Variants in INPP5A observed in about 807,000 individuals in gnomAD.
INPP5A encodes the protein inositol polyphosphate-5-phosphatase A.
Under a neutral mutation model 65.2 loss-of-function variants are expected in INPP5A, and 14 were observed. The ratio of observed to expected loss-of-function variants is 0.21; its 90% confidence interval spans 0.14 to 0.34. INPP5A has a LOEUF of 0.34. Among genes scored for constraint, INPP5A ranks in the 10% least tolerant of loss-of-function variants. The probability of loss-of-function intolerance (pLI) is 1.00; values close to 1 mark genes in which losing one functional copy is unlikely to be tolerated. For synonymous variants in INPP5A, 207 were observed against 208.3 expected, an observed-to-expected ratio of 0.99 and a Z score of 0.05; for missense variants, 431 against 545.6, an observed-to-expected ratio of 0.79 and a Z score of 2.09.
At position 132,741,920 on chromosome 10, in the gene INPP5A, C is replaced by G. The variant is rs533266500; in HGVS notation, c.733-7597C>G. Among the ~76,000 whole-genome samples, 3 of 152,306 alleles carry G rather than the reference C, an allele frequency of 2.0e-5. No individual in the cohort carries two copies. The East Asian group carries it at 5.8e-4, about 29-fold the overall frequency. ...CTTCTTTCCGAGATGTGGCCGTCCT[C>G]TGCAGAAAGGATGCATACTTACAGA... is the stretch of plus-strand genomic sequence containing the variant. On this transcript the variant is annotated intron_variant, in intron 9 of 15. Transcript: ENST00000368594. The surrounding 1 kb of genome is among the most constrained non-coding windows in gnomAD (Gnocchi z 4.4).
rs950977753 is a variant in INPP5A, at chr10:132,628,468, G to A, written c.118-17400G>A. Among the ~76,000 whole-genome samples the A allele has an allele frequency of 2.7e-5, 4 of 149,064 alleles. 1 individual carries two copies. Among genetic ancestry groups the A allele is most frequent in the South Asian group, 4.3e-4 (2 of 4,680 alleles). ...CTCCAGATGTGCTCTGGTGGCGGGGGGGGGGGGGGGCGTGGCGTGGGGGAC... is the reference window on the plus strand; with the variant it reads ...CTCCAGATGTGCTCTGGTGGCGGGGAGGGGGGGGGGCGTGGCGTGGGGGAC... On this transcript the variant is annotated intron_variant, in intron 2 of 15. Coordinates refer to ENST00000368594, the MANE Select transcript of INPP5A (RefSeq NM_005539.5).
rs1001643877 is a variant in INPP5A at position 132,782,656 on chromosome 10, C to G, written c.*627C>G. On this transcript the variant is annotated 3_prime_UTR_variant, in exon 16 of 16. Coordinates refer to ENST00000368594, the MANE Select transcript of INPP5A (RefSeq NM_005539.5). This position sits in a 1 kb window ranked among gnomAD's most constrained non-coding sequence, Gnocchi z 4.4. ...AAATAATTTATAAATCTTACCAAAA[C>G]TTATGCTAAATATACTTTCCAGTAT... 2.0e-5 allele frequency: 3 copies of G among 151,864 alleles called. No homozygotes were observed. Among genetic ancestry groups the G allele is most frequent in the Non-Finnish European group, 4.4e-5 (3 of 67,944 alleles). 9.4% of individuals were successfully genotyped at this position (151,864 alleles called of 1,614,324 possible). A position where few individuals can be genotyped will look rare whatever the true frequency, so the allele number is the denominator to read the frequency against.
chr10:132,725,386 G>T (rs1218894750), intron 8 of INPP5A, among the ~76,000 whole-genome samples: 1 of 152,336 alleles, frequency 6.6e-6, no homozygotes, highest in South Asian at 2.1e-4. Context: ...GCCCCGGCTG[G>T]TGCCTCACGG....
chr10:132,570,858 G>T (rs1289327693), intron 1 of INPP5A, among the ~76,000 whole-genome samples: 3 of 152,192 alleles, frequency 2.0e-5, no homozygotes, highest in African/African-American at 4.8e-5. Context: ...TTCGTGCTGC[G>T]ATGTGGATAG....
At chr10:132,626,171 T>C (rs1020862681) in intron 2 of INPP5A, among the ~76,000 whole-genome samples, 2 of 152,116 alleles carry the variant, frequency 1.3e-5, no homozygotes, top group Non-Finnish European at 2.9e-5. Context: ...TGTCACACAC[T>C]GTGGCTCAGT....
chr10:132,720,411 C>T (rs2134562448), intron 8 of INPP5A, among the ~76,000 whole-genome samples: 1 of 142,900 alleles, frequency 7.0e-6, no homozygotes, highest in African/African-American at 3.0e-5. Flanking sequence ...CTTGCGGGTT[C>T]TGTGGTACCT....
intron 8 of INPP5A, among the ~76,000 whole-genome samples, chr10:132,720,264 C>A (rs1845842225): frequency 6.7e-6 from 1 of 148,396 alleles, no homozygotes; most frequent in South Asian, 2.1e-4. Flanking sequence ...TTCTGTGGTG[C>A]CTGGGTTCTG....
Position 132,707,954 on chromosome 10 carries a change from G to A in INPP5A, c.475-359G>A, listed in dbSNP as rs139150094. The stretch of plus-strand genomic sequence containing the variant: ...CTCAAGTCTTCCCTGTGGTCCAGCC[G>A]AGGGCGGCCGTGTGTCTCGAGCTCC... On this transcript the variant is annotated intron_variant, in intron 6 of 15. Coordinates refer to ENST00000368594, the MANE Select transcript of INPP5A (RefSeq NM_005539.5). The surrounding 1 kb of genome is among the most constrained non-coding windows in gnomAD (Gnocchi z 5.5). Among the ~76,000 whole-genome samples, 133 of 152,324 alleles carry A rather than the reference G, an allele frequency of 8.7e-4. No individual in the cohort carries two copies. Among genetic ancestry groups the A allele is most frequent in the African/African-American group, 2.9e-3 (121 of 41,572 alleles).
Position 132,705,911 on chromosome 10 carries a change from A to G in INPP5A, c.475-2402A>G, listed in dbSNP as rs1054693506. 2.0e-5 allele frequency among the ~76,000 whole-genome samples: 3 copies of G among 152,230 alleles called. No homozygotes were observed. The highest frequency in any genetic ancestry group is 2.9e-5 in the Non-Finnish European group (2 of 68,038). ...GTCTATGAGACGAGCAGACACCAGA[A>G]TACAGACTCACCCCAAATAAAGTTG... On this transcript the variant is annotated intron_variant, in intron 6 of 15. Transcript: ENST00000368594. This position sits in a 1 kb window ranked among gnomAD's most constrained non-coding sequence, Gnocchi z 4.9.
At chr10:132,662,900 G>A (rs774761391) in intron 4 of INPP5A, among the ~76,000 whole-genome samples, 66 of 152,204 alleles carry the variant, frequency 4.3e-4, no homozygotes, top group Admixed American at 2.0e-4. Context: ...ATGGTTTCAC[G>A]TGTGGATGTG....
intron 11 of INPP5A, among the ~76,000 whole-genome samples, chr10:132,751,590 G>A (rs1846478227): frequency 6.6e-6 from 1 of 152,208 alleles, no homozygotes; most frequent in Non-Finnish European, 1.5e-5. Context: ...GGAGAGCCTG[G>A]GGAGCACAGA....
At position 132,645,951 on chromosome 10, in the gene INPP5A, C is replaced by T. The variant is rs756050274; in HGVS notation, c.201C>T (p.His67=). Residue 67 remains histidine (H), a synonymous_variant, in exon 3 of 16, where the codon CAC becomes CAT. Coordinates refer to ENST00000368594, the MANE Select transcript of INPP5A (RefSeq NM_005539.5). The part of the protein sequence containing the change: ...GGKNYEASMS[H]VDKFVKELLS... ...AGAACTACGAGGCCTCCATGTCCCA[C>T]GTGGACAAGTTCGTCAAGTAAGTCT... 3.7e-6 allele frequency: 6 copies of T among 1,613,194 alleles called. No homozygotes were observed. Among genetic ancestry groups the T allele is most frequent in the African/African-American group, 2.7e-5 (2 of 74,924 alleles).
At position 132,697,811 on chromosome 10, in the gene INPP5A, T is replaced by C. The variant is rs1326073545; in HGVS notation, c.371-5T>C. The stretch of plus-strand genomic sequence containing the variant: ...TAGTCACCTCGTCCTTCTGGTCTCT[T>C]CCAGCTAAGAAGTATAGAAAGGTCG... On this transcript the variant is annotated splice_polypyrimidine_tract_variant and splice_region_variant and intron_variant, in intron 5 of 15. Coordinates refer to ENST00000368594, the MANE Select transcript of INPP5A (RefSeq NM_005539.5). This position sits in a 1 kb window ranked among gnomAD's most constrained non-coding sequence, Gnocchi z 5.6. The C allele has an allele frequency of 6.3e-7, 1 of 1,597,512 alleles. No individual in the cohort carries two copies. Among genetic ancestry groups the C allele is most frequent in the Admixed American group, 1.7e-5 (1 of 59,856 alleles).
intron 11 of INPP5A, among the ~76,000 whole-genome samples, chr10:132,752,709 G>A (rs1846518090): frequency 6.9e-6 from 1 of 145,624 alleles, no homozygotes; most frequent in Admixed American, 6.8e-5. Context: ...GTGCGGCGTG[G>A]AGGCGGTGCG....
rs200644838 is a variant in INPP5A, at chr10:132,655,480, G to A, written c.306+4975G>A. 2.6e-5 allele frequency among the ~76,000 whole-genome samples: 4 copies of A among 152,264 alleles called. No individual in the cohort carries two copies. The East Asian group carries it at 7.7e-4, about 29-fold the overall frequency. On this transcript the variant is annotated intron_variant, in intron 4 of 15. Coordinates refer to ENST00000368594, the MANE Select transcript of INPP5A (RefSeq NM_005539.5). ...CAACAGCACAGAAATCCCGTGTCTT[G>A]TCTGCCGGGCACGCAGGGAGCTCCG...
chr10:132,659,617 C>T lies in INPP5A; in HGVS notation c.306+9112C>T, dbSNP rs543736092. Among the ~76,000 whole-genome samples the T allele has an allele frequency of 5.1e-4, 77 of 152,350 alleles. No individual in the cohort carries two copies. Among genetic ancestry groups the T allele is most frequent in the Admixed American group, 1.3e-3 (20 of 15,304 alleles). ...ACAGCCATGGGTATTCTGTGCTGAGCGCCGTGGCTGATGCACACCCACCGT... is the reference window on the plus strand; with the variant it reads ...ACAGCCATGGGTATTCTGTGCTGAGTGCCGTGGCTGATGCACACCCACCGT... On this transcript the variant is annotated intron_variant, in intron 4 of 15. Transcript: ENST00000368594. This position sits in a 1 kb window ranked among gnomAD's most constrained non-coding sequence, Gnocchi z 5.5.
At chr10:132,735,386 G>A (rs934133743) in intron 9 of INPP5A, among the ~76,000 whole-genome samples, 14 of 152,258 alleles carry the variant, frequency 9.2e-5, no homozygotes, top group African/African-American at 2.2e-4. Flanking sequence ...TCAGGAAGCC[G>A]TGTTTATCAC....
Position 132,616,088 on chromosome 10 carries a change from C to T in INPP5A, c.117+8132C>T, listed in dbSNP as rs1167724874. 1.3e-5 allele frequency among the ~76,000 whole-genome samples: 2 copies of T among 152,150 alleles called. No homozygotes were observed. Among genetic ancestry groups the T allele is most frequent in the African/African-American group, 4.8e-5 (2 of 41,434 alleles). On this transcript the variant is annotated intron_variant, in intron 2 of 15. Coordinates refer to ENST00000368594, the MANE Select transcript of INPP5A (RefSeq NM_005539.5). This position sits in a 1 kb window ranked among gnomAD's most constrained non-coding sequence, Gnocchi z 4.9. ...ATGGTCGTGTGCGTCGTTTTAGGAG[C>T]ATGTGTGTGAGCGTGAGGATGCCCA...
chr10:132,749,731 G>A (rs751472060), intron 10 of INPP5A, 40 bp from the exon 11 acceptor site: 8 of 1,602,436 alleles, frequency 5.0e-6, no homozygotes, highest in South Asian at 4.4e-5. Context: ...GCACAAGGCT[G>A]GGGGAGCTCA....
Sources: gnomAD v4.1 joint callset for allele counts (sites outside exome capture counted in the v4.1 genomes callset) on GRCh38, gnomAD v4.1.1 for gene constraint, Gnocchi (gnomAD v3.1) non-coding constraint, MANE v1.5 for transcripts, NCBI Gene and HGNC (gene_info 2026-07-23, HGNC 2026-07-21) for gene names.